Variants in TIAM2 observed in about 807,000 individuals in gnomAD.
TIAM2 encodes the protein rho guanine nucleotide exchange factor TIAM2.
A neutral mutation model predicts 152.9 loss-of-function variants in TIAM2; 80 were observed. That is an observed-to-expected ratio of 0.52 (90% confidence interval 0.44 to 0.63). The LOEUF (loss-of-function observed/expected upper bound fraction) is 0.63. TIAM2 is among the 30% of genes least tolerant of loss of function. The pLI is 0.00. For missense variants in TIAM2, 1,965 were observed against 2,120.1 expected (o/e 0.93, Z 1.44); for synonymous variants, 804 against 838.0 (o/e 0.96, Z 0.70).
intron 1 of TIAM2, among the ~76,000 whole-genome samples, chr6:155,059,329 C>CGCGTGTGCGT (rs141796855): frequency 0.093 from 13,849 of 149,240 alleles, 775 homozygotes; most frequent in African/African-American, 0.15. Context: ...TGTGTGTGCG[C>CGCGTGTGCGT]GTGTATGTTT....
In TIAM2 at chr6:155,179,076, T is replaced by C. The variant is rs775448424; in HGVS notation, c.2561T>C (p.Leu854Pro). 1 of 1,614,136 alleles carries C rather than the reference T, an allele frequency of 6.2e-7. No homozygotes were observed. The highest frequency in any genetic ancestry group is 1.1e-5 in the South Asian group (1 of 91,062). Residue 854 changes from leucine (L) to proline (P), a missense_variant, in exon 11 of 27, where the codon CTT becomes CCT. Leu to Pro is a moderately conservative substitution (Grantham distance 98, BLOSUM62 -3). This residue lies in a region of TIAM2 where 1,025 missense variants were observed against 1,119.4 expected (regional missense o/e 0.92). Coordinates refer to ENST00000682666, the MANE Select transcript of TIAM2 (RefSeq NM_012454.4). ...QLEPSHYGLQLRKLVDDNVEY... is the reference protein window; with the variant it reads ...QLEPSHYGLQPRKLVDDNVEY... ...GAACCCAGCCATTATGGCCTACAGC[T>C]TCGAAAATTAGTAGATGACAATGTT...
At chr6:155,166,073 A>G (rs73795330) in intron 9 of TIAM2, among the ~76,000 whole-genome samples, 1 of 152,072 alleles carries the variant, frequency 6.6e-6, no homozygotes, top group Non-Finnish European at 1.5e-5. Flanking sequence ...CTGTTGATAG[A>G]GCTGTGGATT....
At chr6:155,067,214 G>A (rs1465054894) in intron 1 of TIAM2, among the ~76,000 whole-genome samples, 1 of 152,106 alleles carries the variant, frequency 6.6e-6, no homozygotes, top group East Asian at 1.9e-4. Context: ...ATGGCACAGA[G>A]CATATTAGTT....
chr6:155,126,837 A>T (rs1779308484), intron 2 of TIAM2, among the ~76,000 whole-genome samples: 1 of 151,764 alleles, frequency 6.6e-6, no homozygotes, highest in Non-Finnish European at 1.5e-5. Context: ...AGGAACAAAA[A>T]GTCACTATTA....
chr6:155,223,562 A>C (rs372627837), intron 15 of TIAM2, among the ~76,000 whole-genome samples: 354 of 134,562 alleles, frequency 2.6e-3, no homozygotes, highest in African/African-American at 9.4e-3. Context: ...ACTTCAATGG[A>C]TGCAAACCCA....
rs140637900 is a variant in TIAM2 at position 155,184,380 on chromosome 6, C to T, written c.3064+880C>T. On this transcript the variant is annotated intron_variant, in intron 14 of 26. Transcript: ENST00000682666. ...ACTGTGTGCCAGTTTAGTTTTCTCA[C>T]GGTAAGACTTCCATATGAGGAAATC... is the stretch of plus-strand genomic sequence containing the variant. Among the ~76,000 whole-genome samples, 45 of 152,298 alleles carry T rather than the reference C, an allele frequency of 3.0e-4. 1 individual carries two copies. The highest frequency in any genetic ancestry group is 1.6e-3 in the Admixed American group (24 of 15,304).
Position 155,174,329 on chromosome 6 carries a change from G to C in TIAM2, c.2362-2487G>C, listed in dbSNP as rs1780708509. ...GCTGGCTGTGAGTGGTGAGTGAACT[G>C]ATGGCACATCAGGAGCTTGTTTCAT... is the stretch of plus-strand genomic sequence containing the variant. On this transcript the variant is annotated intron_variant, in intron 9 of 26. Transcript: ENST00000682666. This position sits in a 1 kb window ranked among gnomAD's most constrained non-coding sequence, Gnocchi z 4.2. Among the ~76,000 whole-genome samples, 1 of 152,050 alleles carries C rather than the reference G, an allele frequency of 6.6e-6. No homozygotes were observed.
intron 2 of TIAM2, among the ~76,000 whole-genome samples, chr6:155,109,980 C>T (rs765854531): frequency 1.4e-5 from 2 of 147,752 alleles, no homozygotes; most frequent in African/African-American, 5.1e-5. Flanking sequence ...GACAGAGTCT[C>T]ACTCTTTTAC....
At chr6:155,116,623 T>A (rs1250650518) in intron 2 of TIAM2, among the ~76,000 whole-genome samples, 2 of 152,196 alleles carry the variant, frequency 1.3e-5, no homozygotes. Flanking sequence ...AGGAGGACGG[T>A]ATCTGCTTCT....
intron 14 of TIAM2, among the ~76,000 whole-genome samples, chr6:155,185,326 C>A (rs1478872776): frequency 6.6e-6 from 1 of 151,592 alleles, no homozygotes; most frequent in Non-Finnish European, 1.5e-5. Flanking sequence ...GGGGTTTCAC[C>A]ATGTTGGCCA....
At chr6:155,072,213 G>A (rs1194232923) in intron 1 of TIAM2, among the ~76,000 whole-genome samples, 1 of 152,138 alleles carries the variant, frequency 6.6e-6, no homozygotes, top group South Asian at 2.1e-4. Flanking sequence ...TTTCAAACTC[G>A]AGCATAACAG....
intron 18 of TIAM2, 151 bp from the exon 19 acceptor site, chr6:155,245,472 C>G: frequency 1.5e-6 from 1 of 664,092 alleles, no homozygotes; most frequent in Non-Finnish European, 2.6e-6. Flanking sequence ...CTGGGCTGTT[C>G]CCCACCTCCT....
intron 15 of TIAM2, among the ~76,000 whole-genome samples, chr6:155,227,076 T>C (rs1244840981): frequency 6.6e-6 from 1 of 152,226 alleles, no homozygotes; most frequent in Non-Finnish European, 1.5e-5. Context: ...GAAAGGAAAG[T>C]AGATGTTTGT....
chr6:155,013,952 A>ACACACC (rs1491137664), intron 1 of TIAM2: 16 of 151,184 alleles, frequency 1.1e-4, no homozygotes, highest in Non-Finnish European at 1.3e-4. Flanking sequence ...ACACACACAC[A>ACACACC]CCTGAGATGG....
Position 155,050,682 on chromosome 6 carries a change from G to GAT in TIAM2, c.-208-39606_-208-39605dup, listed in dbSNP as rs142050371. ...TTCGTGGTCAGCCGCATTGGCCAGA[G>GAT]ATCCTCAAACACTGTTCCACCCAGT... On this transcript the variant is annotated intron_variant, in intron 1 of 26. Transcript: ENST00000682666. 5.5e-3 allele frequency among the ~76,000 whole-genome samples: 844 copies of GAT among 152,302 alleles called. 7 individuals are homozygous for GAT. Among genetic ancestry groups the GAT allele is most frequent in the African/African-American group, 0.019 (800 of 41,562 alleles).
intron 2 of TIAM2, among the ~76,000 whole-genome samples, chr6:155,119,042 C>CT (rs967041869): frequency 8.9e-4 from 128 of 143,956 alleles, no homozygotes; most frequent in South Asian, 4.0e-3. Flanking sequence ...CTTTCCCTTT[C>CT]TTTTTTTTTT....
At chr6:155,244,251 G>T (rs1258424286) in intron 17 of TIAM2, among the ~76,000 whole-genome samples, 172 bp downstream of exon 17, 2 of 152,172 alleles carry the variant, frequency 1.3e-5, no homozygotes, top group African/African-American at 4.8e-5. Flanking sequence ...CTGTGGCCTC[G>T]GCTGCATGAC....
chr6:155,017,836 C>G (rs1435575356), intron 1 of TIAM2, among the ~76,000 whole-genome samples: 2 of 151,986 alleles, frequency 1.3e-5, no homozygotes, highest in South Asian at 4.1e-4. Context: ...AAAGTCCAAA[C>G]TTAGCCTGAC....
chr6:155,096,421 C>T (rs1049983635), intron 2 of TIAM2, among the ~76,000 whole-genome samples: 1 of 152,188 alleles, frequency 6.6e-6, no homozygotes, highest in Admixed American at 6.5e-5. Flanking sequence ...ACTAGAGTCA[C>T]TCTACTGATC....
Sources: allele counts gnomAD v4.1 joint callset (sites outside exome capture counted in the v4.1 genomes callset), GRCh38; gene constraint gnomAD v4.1.1; regional missense constraint gnomAD v4.1.1; non-coding constraint Gnocchi (gnomAD v3.1); transcripts MANE v1.5; gene names NCBI Gene and HGNC (gene_info 2026-07-23, HGNC 2026-07-21).